Variants in EXOC4 observed in about 807,000 individuals in gnomAD.
EXOC4 encodes the protein exocyst complex component 4, also known as SEC8-like 1.
Under a neutral mutation model 107.2 loss-of-function variants are expected in EXOC4, and 71 were observed. The observed-to-expected ratio is 0.66, with a 90% confidence interval of 0.55 to 0.81. The LOEUF is 0.81. EXOC4 is among the 30% of genes least tolerant of loss of function. The pLI is 0.00. For missense variants in EXOC4, 1,108 were observed against 1,189.6 expected (o/e 0.93, Z 1.01); for synonymous variants, 456 against 441.2 (o/e 1.03, Z -0.42).
At chr7:133,612,335 G>A (rs1483623704) in intron 9 of EXOC4, among the ~76,000 whole-genome samples, 1 of 152,096 alleles carries the variant, frequency 6.6e-6, no homozygotes, top group East Asian at 1.9e-4. Context: ...CTGCTGACTA[G>A]ATTTAATATT....
chr7:133,801,167 A>G (rs1280542702), intron 10 of EXOC4, among the ~76,000 whole-genome samples: 1 of 152,186 alleles, frequency 6.6e-6, no homozygotes, highest in Non-Finnish European at 1.5e-5. Context: ...GAAACGAGCC[A>G]TGTAGTCTAA....
At chr7:133,846,026 A>C (rs530323727) in intron 11 of EXOC4, among the ~76,000 whole-genome samples, 8 of 152,052 alleles carry the variant, frequency 5.3e-5, no homozygotes, top group African/African-American at 1.9e-4. Flanking sequence ...AGTCCCCCAC[A>C]CACACACACG....
chr7:133,834,074 G>A (rs1450455960), intron 11 of EXOC4, among the ~76,000 whole-genome samples: 1 of 152,082 alleles, frequency 6.6e-6, no homozygotes, highest in Non-Finnish European at 1.5e-5. Flanking sequence ...TAATCTCAGA[G>A]GCTTGACTAG....
chr7:133,984,821 CT>C (rs1794076452), intron 14 of EXOC4, among the ~76,000 whole-genome samples: 1 of 152,168 alleles, frequency 6.6e-6, no homozygotes, highest in African/African-American at 2.4e-5. Flanking sequence ...CTCACAACAA[CT>C]CCCTAAGTTG....
At chr7:133,274,156 G>A (rs1793937026) in intron 1 of EXOC4, among the ~76,000 whole-genome samples, 2 of 152,142 alleles carry the variant, frequency 1.3e-5, no homozygotes, top group Admixed American at 6.5e-5. Flanking sequence ...AGTGCTGTTC[G>A]AAGACTAGTA....
chr7:133,756,257 C>G (rs1164214864), intron 10 of EXOC4, among the ~76,000 whole-genome samples: 1 of 151,990 alleles, frequency 6.6e-6, no homozygotes, highest in Non-Finnish European at 1.5e-5. Flanking sequence ...CTTTTTTTCC[C>G]CTAAGTACTC....
chr7:133,721,025 T>C (rs1414770403), intron 10 of EXOC4, among the ~76,000 whole-genome samples: 1 of 152,186 alleles, frequency 6.6e-6, no homozygotes, highest in Non-Finnish European at 1.5e-5. Flanking sequence ...TCTGGTAGAC[T>C]TGCTCTTGAA....
chr7:133,375,050 T>G, intron 7 of EXOC4, 48 bp downstream of exon 7: 1 of 1,508,092 alleles, frequency 6.6e-7, no homozygotes, highest in Non-Finnish European at 9.1e-7. Flanking sequence ...AGTAACAGTT[T>G]AGAATAACAA....
intron 2 of EXOC4, among the ~76,000 whole-genome samples, chr7:133,287,423 G>A (rs1367975444): frequency 6.6e-6 from 1 of 151,958 alleles, no homozygotes; most frequent in African/African-American, 2.4e-5. Context: ...CCATTCTTCT[G>A]CTTCAGCCTC....
chr7:133,492,712 A>G (rs965616253), intron 9 of EXOC4, among the ~76,000 whole-genome samples: 3 of 152,090 alleles, frequency 2.0e-5, no homozygotes, highest in African/African-American at 4.8e-5. Flanking sequence ...TCTTAAGAAT[A>G]TGAATTCTTT....
chr7:133,304,014 A>C (rs574730397), intron 3 of EXOC4, among the ~76,000 whole-genome samples: 1 of 152,308 alleles, frequency 6.6e-6, no homozygotes, highest in African/African-American at 2.4e-5. Flanking sequence ...CTTGTCATAA[A>C]ATTCTGTATT....
Position 133,787,957 on chromosome 7 carries a change from A to ATT in EXOC4, c.1515-29367_1515-29366insTT, listed in dbSNP as rs1562997548. 9.6e-4 allele frequency among the ~76,000 whole-genome samples: 16 copies of ATT among 16,730 alleles called. No individual in the cohort carries two copies. The East Asian group carries it at 0.015, about 15-fold the overall frequency. The allele number at this position is 16,730 out of a possible 152,430, so 11.0% of individuals were successfully genotyped here. A position where few individuals can be genotyped will look rare whatever the true frequency, so the allele number is the denominator to read the frequency against. On this transcript the variant is annotated intron_variant, in intron 10 of 17. Transcript: ENST00000253861. ...ATACTTCTTCCCTGTGCATATATTT[A>ATT]TATATTTATATATATATATATATAT...
At chr7:134,033,106 T>C (rs576026906) in intron 17 of EXOC4, among the ~76,000 whole-genome samples, 1 of 152,242 alleles carries the variant, frequency 6.6e-6, no homozygotes, top group East Asian at 1.9e-4. Flanking sequence ...GATAAAGTAG[T>C]TGGGGAAAAG....
At chr7:133,754,131 G>A (rs1423398896) in intron 10 of EXOC4, among the ~76,000 whole-genome samples, 2 of 152,264 alleles carry the variant, frequency 1.3e-5, no homozygotes, top group East Asian at 3.9e-4. Context: ...GATTGTTTCA[G>A]TAAGGCTGAG....
chr7:133,857,172 A>G (rs1361614375), intron 11 of EXOC4, among the ~76,000 whole-genome samples: 2 of 17,130 alleles, frequency 1.2e-4, no homozygotes, highest in African/African-American at 3.3e-4. Context: ...ATATATATAT[A>G]TATATATATA....
At chr7:134,058,913 T>C (rs1167634103) in intron 17 of EXOC4, among the ~76,000 whole-genome samples, 1 of 152,192 alleles carries the variant, frequency 6.6e-6, no homozygotes, top group Non-Finnish European at 1.5e-5. Flanking sequence ...TAATTGTAGT[T>C]CCTATTTAAA....
intron 5 of EXOC4, among the ~76,000 whole-genome samples, chr7:133,332,216 A>G (rs185064776): frequency 2.0e-5 from 3 of 152,310 alleles, no homozygotes; most frequent in African/African-American, 7.2e-5. Flanking sequence ...TCTTTTGGGT[A>G]CAAGCATAGG....
At chr7:133,476,442 A>G (rs947523947) in intron 8 of EXOC4, among the ~76,000 whole-genome samples, 2 of 152,204 alleles carry the variant, frequency 1.3e-5, no homozygotes, top group African/African-American at 4.8e-5. Context: ...ATAAGCATGT[A>G]AAGTGACCAC....
intron 3 of EXOC4, among the ~76,000 whole-genome samples, chr7:133,304,029 A>G (rs2150565640): frequency 6.6e-6 from 1 of 152,328 alleles, no homozygotes; most frequent in African/African-American, 2.4e-5. Context: ...TGTATTTGGA[A>G]CATGTACTGT....
Sources: gnomAD v4.1 joint callset for allele counts (sites outside exome capture counted in the v4.1 genomes callset) on GRCh38, gnomAD v4.1.1 for gene constraint, MANE v1.5 for transcripts, NCBI Gene and HGNC (gene_info 2026-07-23, HGNC 2026-07-21) for gene names.